The following USP34 variants were observed in gnomAD, a reference collection of about 807,000 sequenced individuals.
USP34 encodes the protein ubiquitin carboxyl-terminal hydrolase 34.
In USP34, 70 loss-of-function variants were observed where a neutral mutation model predicts 460.3. The ratio of observed to expected loss-of-function variants is 0.15; its 90% confidence interval spans 0.13 to 0.19. USP34 has a LOEUF of 0.19. USP34 is among the 10% of genes least tolerant of loss of function. The pLI, the probability that USP34 is intolerant of heterozygous loss-of-function variation, is 1.00. For synonymous variants in USP34, 1,647 were observed against 1,405.3 expected (o/e 1.17, Z -3.85); for missense variants, 3,985 against 4,236.2 (o/e 0.94, Z 1.65).
Position 61,221,524 on chromosome 2 carries a change from T to A in USP34, c.7877A>T (p.Tyr2626Phe). Reference sequence around the variant, plus strand: ...TACCTCCCATATCCTCTGCAGAATATAAGATGCAAAGGGAGGCATTCCTGG... The same window carrying A: ...TACCTCCCATATCCTCTGCAGAATAAAAGATGCAAAGGGAGGCATTCCTGG... ...GPPGMPPFAS[Y>F]ILQRIWEVIE... The change falls in exon 66 of 80, where the codon TAT (tyrosine) becomes TTT (phenylalanine). Residue 2626 changes from tyrosine (Y) to phenylalanine (F), a missense_variant. Physicochemically the swap from Tyr to Phe is conservative, Grantham distance 22. Around this residue, in one of 14 missense-constraint regions of USP34, gnomAD observed 604 missense variants for 684.8 expected, o/e 0.88. Coordinates refer to ENST00000398571, the MANE Select transcript of USP34 (RefSeq NM_014709.4). 2 of 1,613,948 alleles carry A rather than the reference T, an allele frequency of 1.2e-6. No homozygotes were observed. The highest frequency in any genetic ancestry group is 1.7e-6 in the Non-Finnish European group (2 of 1,179,910).
chr2:61,266,519 C>CT lies in USP34; in HGVS notation c.5434-353_5434-352insA, dbSNP rs556516233. 1.4e-4 allele frequency among the ~76,000 whole-genome samples: 22 copies of CT among 152,304 alleles called. No homozygotes were observed. The East Asian group carries it at 4.0e-3, about 28-fold the overall frequency. ...TTCTGCATTAACTTTCCCCTTACTT[C>CT]ACTCTACTAATAAATAATAGCAACA... On this transcript the variant is annotated intron_variant, in intron 41 of 79. Transcript: ENST00000398571.
rs1694694558 is a variant in USP34 at position 61,432,157 on chromosome 2, A to C, written c.44-11324T>G. On this transcript the variant is annotated intron_variant, in intron 1 of 79. Transcript: ENST00000398571. The stretch of plus-strand genomic sequence containing the variant: ...TGTTTGAGACCAGCCTGGGCAACTT[A>C]GACAGAACCCACCGTTTTTCAATTA... Among the ~76,000 whole-genome samples the C allele has an allele frequency of 2.0e-5, 3 of 151,838 alleles. No homozygotes were observed. In the South Asian group the frequency reaches 6.2e-4, roughly 32 times the overall value.
intron 1 of USP34, among the ~76,000 whole-genome samples, chr2:61,464,918 T>C (rs182940217): frequency 6.6e-6 from 1 of 152,000 alleles, no homozygotes; most frequent in East Asian, 1.9e-4. Flanking sequence ...CAAAAGTAAC[T>C]ACAAAAGCAG....
At chr2:61,224,005 A>T (rs1487825267) in intron 62 of USP34, among the ~76,000 whole-genome samples, 3 of 152,234 alleles carry the variant, frequency 2.0e-5, no homozygotes, top group African/African-American at 7.2e-5. Context: ...CATTTAATCC[A>T]TAAATCATAG....
rs1558514509 is a variant in USP34 at position 61,294,938 on chromosome 2, T to C, written c.4461+11A>G. The C allele has an allele frequency of 6.2e-7, 1 of 1,601,402 alleles. No individual in the cohort carries two copies. Among genetic ancestry groups the C allele is most frequent in the East Asian group, 2.2e-5 (1 of 44,658 alleles). On this transcript the variant is annotated intron_variant, in intron 32 of 79. Coordinates refer to ENST00000398571, the MANE Select transcript of USP34 (RefSeq NM_014709.4). ...TTTTATCAATACATTGAAAAACACA[T>C]ATGATCAAACCTTGCAACTCCAGGA... is the stretch of plus-strand genomic sequence containing the variant.
chr2:61,403,197 G>A (rs899304289), intron 3 of USP34, among the ~76,000 whole-genome samples: 1 of 151,958 alleles, frequency 6.6e-6, no homozygotes, highest in Non-Finnish European at 1.5e-5. Flanking sequence ...AAATACTCAC[G>A]AATAATAATA....
At chr2:61,266,935 C>A (rs1217968336) in intron 41 of USP34, among the ~76,000 whole-genome samples, 1 of 152,166 alleles carries the variant, frequency 6.6e-6, no homozygotes, top group Non-Finnish European at 1.5e-5. Context: ...ATGCTAAAGA[C>A]CTGTTTTCCT....
In USP34 at chr2:61,445,519, A is replaced by G. The variant is rs554108544; in HGVS notation, c.44-24686T>C. On this transcript the variant is annotated intron_variant, in intron 1 of 79. Transcript: ENST00000398571. ...CACTGCACTCCAGCCTGGGCAACAG[A>G]TCGAGACTCCGTCTCAAAAAAAAAA... Among the ~76,000 whole-genome samples the G allele has an allele frequency of 1.9e-3, 279 of 144,094 alleles. 1 individual carries two copies. The highest frequency in any genetic ancestry group is 6.7e-3 in the African/African-American group (259 of 38,452). 94.5% of individuals were successfully genotyped at this position (144,094 alleles called of 152,430 possible). A position where few individuals can be genotyped will look rare whatever the true frequency, so the allele number is the denominator to read the frequency against.
chr2:61,295,320 C>A (rs532916805), intron 30 of USP34, 30 bp from the exon 31 acceptor site: 5 of 1,564,056 alleles, frequency 3.2e-6, no homozygotes, highest in South Asian at 2.5e-5. Flanking sequence ...TTTCTCAAGC[C>A]AACTTACTCA....
chr2:61,192,929 T>C lies in USP34; in HGVS notation c.9560A>G (p.Lys3187Arg). 3 of 1,613,834 alleles carry C rather than the reference T, an allele frequency of 1.9e-6. No homozygotes were observed. Among genetic ancestry groups the C allele is most frequent in the Non-Finnish European group, 2.5e-6 (3 of 1,179,852 alleles). The part of the protein sequence containing the change: ...GLPLHLALFP[K>R]LWTELCQTQS... ...AGTCTGGCATAGCTCAGTCCAAAGT[T>C]TGGGGAACAGTGCAAGATGAAGTGG... The change falls in exon 76 of 80, where the codon AAA (lysine) becomes AGA (arginine). Residue 3187 changes from lysine (K) to arginine (R), a missense_variant. This residue lies in a region of USP34 where 506 missense variants were observed against 439.0 expected (regional missense o/e 1.15). Coordinates refer to ENST00000398571, the MANE Select transcript of USP34 (RefSeq NM_014709.4).
At chr2:61,192,803 CCA>C in intron 76 of USP34, 96 bp downstream of exon 76, 1 of 920,096 alleles carries the variant, frequency 1.1e-6, no homozygotes, top group East Asian at 2.7e-5. Flanking sequence ...TAAAATGTCC[CCA>C]CTTTTCAGCA....
chr2:61,322,375 G>A (rs1445382348), intron 21 of USP34, among the ~76,000 whole-genome samples: 1 of 152,166 alleles, frequency 6.6e-6, no homozygotes, highest in Non-Finnish European at 1.5e-5. Flanking sequence ...AATCTGTACT[G>A]TACCCAATTA....
In USP34 at chr2:61,420,834, C is replaced by G. The variant is rs1694333213; in HGVS notation, c.44-1G>C. 1.9e-6 allele frequency: 3 copies of G among 1,601,352 alleles called. No individual in the cohort carries two copies. Among genetic ancestry groups the G allele is most frequent in the Non-Finnish European group, 2.6e-6 (3 of 1,174,788 alleles). On this transcript the variant is annotated splice_acceptor_variant, in intron 1 of 79. Coordinates refer to ENST00000398571, the MANE Select transcript of USP34 (RefSeq NM_014709.4). LOFTEE classifies it high-confidence loss of function. ...CCATCACCACCTTCTACATCTGATA[C>G]TGAAATAAAAAAGAAATTTTAAAAT...
At chr2:61,288,468 T>G (rs1689754953) in intron 34 of USP34, among the ~76,000 whole-genome samples, 1 of 152,182 alleles carries the variant, frequency 6.6e-6, no homozygotes, top group African/African-American at 2.4e-5. Context: ...TCACAGATAT[T>G]AAAATGGCAC....
At chr2:61,319,150 C>T (rs1265674725) in intron 22 of USP34, 23 bp downstream of exon 22, 1 of 1,520,590 alleles carries the variant, frequency 6.6e-7, no homozygotes, top group African/African-American at 1.4e-5. Flanking sequence ...AAAATAATAA[C>T]AAACTGAGAG....
Position 61,370,524 on chromosome 2 carries a change from T to A in USP34, c.1132A>T (p.Ile378Leu). ...TCAATATGTAAATTTGGTCCAAATA[T>A]ATGCTCCACCACATTGTTGCTAATA... Reference protein sequence around the residue: ...WLISNNVVEHIFGPNLHIEII... With the variant: ...WLISNNVVEHLFGPNLHIEII... The change falls in exon 9 of 80, where the codon ATA (isoleucine) becomes TTA (leucine). Residue 378 changes from isoleucine (I) to leucine (L), a missense_variant. By Grantham distance (5) the Ile-to-Leu change is conservative. Coordinates refer to ENST00000398571, the MANE Select transcript of USP34 (RefSeq NM_014709.4). The A allele has an allele frequency of 6.2e-7, 1 of 1,614,018 alleles. No individual in the cohort carries two copies. The highest frequency in any genetic ancestry group is 1.3e-5 in the African/African-American group (1 of 75,030).
rs534065484 is a variant in USP34 at position 61,460,683 on chromosome 2, G to A, written c.43+9967C>T. On this transcript the variant is annotated intron_variant, in intron 1 of 79. Transcript: ENST00000398571. ...CAAAAGAAATCTTACATAGAATTTC[G>A]ATTCATAAAACAGGTAGAAGGCCGG... is the stretch of plus-strand genomic sequence containing the variant. Among the ~76,000 whole-genome samples, 26 of 152,038 alleles carry A rather than the reference G, an allele frequency of 1.7e-4. 1 individual carries two copies. In the South Asian group the frequency reaches 3.5e-3, roughly 21 times the overall value.
chr2:61,349,365 T>C (rs1691872086), intron 12 of USP34, 80 bp from the exon 13 acceptor site: 1 of 1,442,452 alleles, frequency 6.9e-7, no homozygotes, highest in Admixed American at 1.9e-5. Context: ...TTGTTCATAT[T>C]ACATAATCAA....
chr2:61,225,871 C>A lies in USP34; in HGVS notation c.7595+1196G>T, dbSNP rs78748799. 7.2e-5 allele frequency among the ~76,000 whole-genome samples: 11 copies of A among 152,282 alleles called. No homozygotes were observed. The East Asian group carries it at 1.7e-3, about 24-fold the overall frequency. ...ACTCATATGAATGAAATGTGTCTAA[C>A]ACGTATTTTCCCTATAAGTCATATC... is the stretch of plus-strand genomic sequence containing the variant. On this transcript the variant is annotated intron_variant, in intron 62 of 79. Transcript: ENST00000398571.
Sources: allele counts gnomAD v4.1 joint callset (sites outside exome capture counted in the v4.1 genomes callset), GRCh38; gene constraint gnomAD v4.1.1; regional missense constraint gnomAD v4.1.1; transcripts MANE v1.5; gene names NCBI Gene and HGNC (gene_info 2026-07-23, HGNC 2026-07-21).